Variants in EXOC3 observed in about 807,000 individuals in gnomAD.
EXOC3 encodes exocyst complex component 3, also known as SEC6-like 1.
Under a neutral mutation model 73.7 loss-of-function variants are expected in EXOC3, and 21 were observed. The ratio of observed to expected loss-of-function variants is 0.29; its 90% CI spans 0.20 to 0.41. The LOEUF is 0.41. EXOC3 is among the 10% of genes least tolerant of loss of function. EXOC3 has a pLI of 1.00. For synonymous variants in EXOC3, 410 were observed against 389.1 expected (o/e 1.05, Z -0.63); for missense variants, 842 against 985.1 (o/e 0.85, Z 1.95).
In EXOC3 at chr5:457,980, C is replaced by G. The variant is rs201641753; in HGVS notation, c.1245C>G (p.Asp415Glu). 3 of 1,612,700 alleles carry G rather than the reference C, an allele frequency of 1.9e-6. No homozygotes were observed. Among genetic ancestry groups the G allele is most frequent in the Non-Finnish European group, 2.5e-6 (3 of 1,179,302 alleles). ...DWVKETEPEA[D>E]QDGYYQTTLP... ...TCAAAGAGACAGAGCCAGAAGCCGA[C>G]CAGGACGGGTACTACCAGACCACAC... The change falls in exon 6 of 13, where the codon GAC (aspartate) becomes GAG (glutamate). Residue 415 changes from aspartate (D) to glutamate (E), a missense_variant. By Grantham distance (45) the Asp-to-Glu change is conservative (BLOSUM62 2). Transcript: ENST00000512944.
In EXOC3 at chr5:455,520, C is replaced by T. The variant is rs775329700; in HGVS notation, c.1047-1369C>T. Among the ~76,000 whole-genome samples, 79 of 152,310 alleles carry T rather than the reference C, an allele frequency of 5.2e-4. 1 individual carries two copies. Among genetic ancestry groups the T allele is most frequent in the Admixed American group, 3.6e-3 (55 of 15,308 alleles). The stretch of plus-strand genomic sequence containing the variant: ...GAAGTACTTTTTCACTTAGGAAGCT[C>T]TCGGATTTCTTATAGTGGACTGGCT... On this transcript the variant is annotated intron_variant, in intron 4 of 12. Coordinates refer to ENST00000512944, the MANE Select transcript of EXOC3 (RefSeq NM_007277.5).
chr5:453,983 C>T lies in EXOC3; in HGVS notation c.978C>T (p.Leu326=), dbSNP rs758809436. Residue 326 remains leucine, a synonymous_variant, in exon 4 of 13, where the codon CTC becomes CTT. Coordinates refer to ENST00000512944, the MANE Select transcript of EXOC3 (RefSeq NM_007277.5). ...HQALSTRMQD[L]ASEDLEANEI... ...CCCTGAGCACGCGGATGCAGGACCT[C>T]GCATCGGAAGACCTGGAAGCCAATG... The T allele has an allele frequency of 4.0e-5, 65 of 1,613,692 alleles. No homozygotes were observed. Among genetic ancestry groups the T allele is most frequent in the Non-Finnish European group, 4.9e-5 (58 of 1,179,804 alleles).
intron 4 of EXOC3, 46 bp downstream of exon 4, chr5:454,097 G>A (rs1239726053): frequency 6.8e-7 from 1 of 1,464,478 alleles, no homozygotes; most frequent in South Asian, 1.3e-5. Context: ...TAGAAGCCGT[G>A]TGTGAGAGGG....
intron 4 of EXOC3, among the ~76,000 whole-genome samples, chr5:455,960 C>G (rs1386492534): frequency 2.6e-5 from 4 of 152,230 alleles, no homozygotes; most frequent in African/African-American, 7.2e-5. Context: ...TTCCTGTCTT[C>G]TGGACAGTAG....
intron 4 of EXOC3, among the ~76,000 whole-genome samples, chr5:454,823 C>T (rs1737757146): frequency 6.9e-6 from 1 of 145,448 alleles, no homozygotes; most frequent in Non-Finnish European, 1.5e-5. Context: ...TCTTTTTTTT[C>T]TTCCGCCCAT....
intron 4 of EXOC3, 108 bp from the exon 5 acceptor site, chr5:456,781 T>C: frequency 1.2e-6 from 1 of 852,378 alleles, no homozygotes. Context: ...CCAGGAAGTC[T>C]CCAGGGTGGT....
At chr5:454,261 G>C (rs1017814036) in intron 4 of EXOC3, among the ~76,000 whole-genome samples, 3 of 152,270 alleles carry the variant, frequency 2.0e-5, no homozygotes, top group African/African-American at 7.2e-5. Flanking sequence ...GTGCTTGGGA[G>C]GGATCTCTGC....
At chr5:464,562 G>A (rs1335025179) in intron 10 of EXOC3, 150 bp downstream of exon 10, 4 of 773,744 alleles carry the variant, frequency 5.2e-6, no homozygotes, top group East Asian at 5.6e-5. Context: ...CTCTGCGGAC[G>A]CCACCTCCCT....
intron 3 of EXOC3, among the ~76,000 whole-genome samples, chr5:450,266 AC>A (rs1402322646): frequency 6.6e-6 from 1 of 152,116 alleles, no homozygotes; most frequent in Non-Finnish European, 1.5e-5. Flanking sequence ...ACAAAACAAA[AC>A]AAAAGTCCCT....
At chr5:451,380 T>C (rs1396135157) in intron 3 of EXOC3, among the ~76,000 whole-genome samples, 1 of 152,246 alleles carries the variant, frequency 6.6e-6, no homozygotes, top group African/African-American at 2.4e-5. Context: ...TTATATATCA[T>C]GTGTCCAAAA....
chr5:453,101 C>A (rs1737701949), intron 3 of EXOC3, among the ~76,000 whole-genome samples: 1 of 152,238 alleles, frequency 6.6e-6, no homozygotes, highest in Admixed American at 6.5e-5. Context: ...AGCACATGCA[C>A]AGCTGCCTGC....
At chr5:455,158 C>G (rs113913999) in intron 4 of EXOC3, among the ~76,000 whole-genome samples, 2 of 152,212 alleles carry the variant, frequency 1.3e-5, no homozygotes, top group East Asian at 3.9e-4. Flanking sequence ...GTCTCCCCCT[C>G]CGTGCCTGGT....
intron 3 of EXOC3, among the ~76,000 whole-genome samples, chr5:450,938 G>A (rs1300331475): frequency 6.6e-6 from 1 of 152,126 alleles, no homozygotes; most frequent in South Asian, 2.1e-4. Context: ...AGTCTCTGGT[G>A]AACACATAGA....
chr5:465,640 G>T, intron 11 of EXOC3, 78 bp from the exon 12 acceptor site: 1 of 1,573,698 alleles, frequency 6.4e-7, no homozygotes, highest in East Asian at 2.2e-5. Context: ...AGTCAGGAAG[G>T]GGCTCAGCCA....
chr5:466,179 A>G (rs1476009310), intron 12 of EXOC3: 3 of 336,696 alleles, frequency 8.9e-6, no homozygotes, highest in Non-Finnish European at 1.7e-5. Context: ...GAGTTTAGGA[A>G]GTTTCCTCTG....
chr5:459,642 T>G, intron 7 of EXOC3, 183 bp downstream of exon 7: 1 of 491,782 alleles, frequency 2.0e-6, no homozygotes, highest in South Asian at 3.0e-5. Flanking sequence ...CATCTTCCCC[T>G]TGAGTGGACC....
At chr5:466,443 A>G (rs1017962889) in intron 12 of EXOC3, 23 of 401,624 alleles carry the variant, frequency 5.7e-5, no homozygotes, top group African/African-American at 4.4e-4. Flanking sequence ...TTAAACGTGG[A>G]AAAACGGGGT....
intron 4 of EXOC3, among the ~76,000 whole-genome samples, chr5:454,709 G>T (rs1737753700): frequency 6.6e-6 from 1 of 152,142 alleles, no homozygotes; most frequent in Admixed American, 6.5e-5. Context: ...GGGGTATTCT[G>T]AAATTCTTTA....
intron 12 of EXOC3, 160 bp from the exon 13 acceptor site, chr5:466,567 C>A (rs1457746357): frequency 6.6e-6 from 4 of 608,692 alleles, no homozygotes; most frequent in African/African-American, 3.7e-5. Flanking sequence ...GATGAAAATG[C>A]AGGCTTGTCT....
Sources: allele counts gnomAD v4.1 joint callset (sites outside exome capture counted in the v4.1 genomes callset), GRCh38; gene constraint gnomAD v4.1.1; transcripts MANE v1.5; gene names NCBI Gene and HGNC (gene_info 2026-07-23, HGNC 2026-07-21).